Variants in CSMD1 observed in about 807,000 individuals in gnomAD.
The protein encoded by CSMD1 is CUB and sushi domain-containing protein 1.
Under a neutral mutation model 417.5 loss-of-function variants are expected in CSMD1, and 213 were observed. That is an observed-to-expected ratio of 0.51 (90% confidence interval 0.46 to 0.57). The LOEUF is 0.57. CSMD1 is among the 20% of genes least tolerant of loss of function. The probability of loss-of-function intolerance (pLI) is 0.00; values close to 1 mark genes in which losing one functional copy is unlikely to be tolerated. For synonymous variants in CSMD1, 2,862 were observed against 1,736.8 expected, an observed-to-expected ratio of 1.65 and a Z score of -16.11; for missense variants, 6,923 against 4,529.7, an observed-to-expected ratio of 1.53 and a Z score of -15.17.
At chr8:4,003,090 G>C (rs1420853428) in intron 4 of CSMD1, among the ~76,000 whole-genome samples, 2 of 152,234 alleles carry the variant, frequency 1.3e-5, no homozygotes, top group Middle Eastern at 3.4e-3. Context: ...TACTTGCTTT[G>C]TATTTTAAGA....
At chr8:4,563,792 G>C (rs548676964) in intron 2 of CSMD1, among the ~76,000 whole-genome samples, 122 of 152,212 alleles carry the variant, frequency 8.0e-4, no homozygotes, top group Non-Finnish European at 1.4e-3. Context: ...AAATGTTTCT[G>C]TCCCCAATGT....
intron 2 of CSMD1, among the ~76,000 whole-genome samples, chr8:4,569,854 T>A (rs1412051998): frequency 3.3e-5 from 5 of 152,224 alleles, no homozygotes; most frequent in Non-Finnish European, 7.3e-5. Context: ...AAGAAGTCCT[T>A]CACATCACTT....
At chr8:4,013,215 C>G (rs73182064) in intron 4 of CSMD1, among the ~76,000 whole-genome samples, 17,746 of 152,038 alleles carry the variant, frequency 0.12, 1,213 homozygotes, top group South Asian at 0.22. Flanking sequence ...CTGGGATCCT[C>G]CGGGACCTTT....
At position 3,373,365 on chromosome 8, in the gene CSMD1, G is replaced by C. The variant is rs573776047; in HGVS notation, c.2783-3995C>G. On this transcript the variant is annotated intron_variant, in intron 18 of 69. Coordinates refer to ENST00000635120, the MANE Select transcript of CSMD1 (RefSeq NM_033225.6). ...CCATCAGGAGAAAGTCAGACAGAAA[G>C]TTAGAGATAAAGCTGCTCTCAGGCT... The C allele has an allele frequency of 2.0e-5, 3 of 152,334 alleles. No individual in the cohort carries two copies. In the East Asian group the frequency reaches 5.8e-4, roughly 29 times the overall value. The allele number at this position is 152,334 out of a possible 1,614,324, so 9.4% of individuals were successfully genotyped here. A position where few individuals can be genotyped will look rare whatever the true frequency, so the allele number is the denominator to read the frequency against.
intron 5 of CSMD1, among the ~76,000 whole-genome samples, chr8:3,956,818 C>G (rs1051161518): frequency 6.6e-6 from 1 of 152,096 alleles, no homozygotes; most frequent in Non-Finnish European, 1.5e-5. Context: ...CCAGCCGTTA[C>G]GGAAGGAAGA....
chr8:3,957,094 T>C (rs1563252550), intron 5 of CSMD1, among the ~76,000 whole-genome samples: 1 of 151,346 alleles, frequency 6.6e-6, no homozygotes, highest in Non-Finnish European at 1.5e-5. Context: ...TATATGTCTT[T>C]GGAAACTATT....
intron 5 of CSMD1, among the ~76,000 whole-genome samples, chr8:3,841,471 G>A (rs890617937): frequency 3.3e-5 from 5 of 152,100 alleles, no homozygotes; most frequent in Non-Finnish European, 7.4e-5. Flanking sequence ...ACCAAGCACT[G>A]CATTCCCCAT....
chr8:4,177,245 G>C (rs1229473401), intron 3 of CSMD1, among the ~76,000 whole-genome samples: 1 of 152,156 alleles, frequency 6.6e-6, no homozygotes, highest in African/African-American at 2.4e-5. Flanking sequence ...ACACCACAGT[G>C]CAATCAAGCT....
intron 3 of CSMD1, among the ~76,000 whole-genome samples, chr8:4,216,693 G>T (rs1362367776): frequency 6.6e-6 from 1 of 152,108 alleles, no homozygotes; most frequent in African/African-American, 2.4e-5. Flanking sequence ...TTTCATGTAA[G>T]CACCAGTCAT....
chr8:3,984,929 T>G (rs1014719007), intron 5 of CSMD1, among the ~76,000 whole-genome samples: 1 of 152,006 alleles, frequency 6.6e-6, no homozygotes, highest in Non-Finnish European at 1.5e-5. Context: ...TAGTTCATTA[T>G]AAGCCTTTAA....
At chr8:4,909,147 G>C (rs1484408805) in intron 1 of CSMD1, among the ~76,000 whole-genome samples, 2 of 152,262 alleles carry the variant, frequency 1.3e-5, no homozygotes, top group African/African-American at 2.4e-5. Context: ...TTCTCAGAGA[G>C]GACTGTCCCT....
At chr8:4,400,443 G>A (rs1214340062) in intron 3 of CSMD1, among the ~76,000 whole-genome samples, 1 of 152,232 alleles carries the variant, frequency 6.6e-6, no homozygotes, top group Non-Finnish European at 1.5e-5. Context: ...CATGTATGCA[G>A]ACATCGAGAT....
chr8:3,053,974 G>T (rs1812045372), intron 49 of CSMD1, among the ~76,000 whole-genome samples: 1 of 152,170 alleles, frequency 6.6e-6, no homozygotes, highest in African/African-American at 2.4e-5. Flanking sequence ...GATAGAGCGG[G>T]AAGGGCTGGA....
At chr8:3,923,165 A>C (rs549378950) in intron 5 of CSMD1, among the ~76,000 whole-genome samples, 5 of 152,254 alleles carry the variant, frequency 3.3e-5, no homozygotes, top group African/African-American at 4.8e-5. Context: ...AAGCTTCATG[A>C]GACCTCTCCT....
chr8:3,543,137 C>T (rs1052988819), intron 10 of CSMD1, among the ~76,000 whole-genome samples: 45 of 152,260 alleles, frequency 3.0e-4, no homozygotes, highest in African/African-American at 9.9e-4. Context: ...TGATCCCAGA[C>T]AGAGAGAAGG....
Position 2,965,840 on chromosome 8 carries a change from A to T in CSMD1, c.9215T>A (p.Val3072Asp), listed in dbSNP as rs1375694386. The T allele has an allele frequency of 1.9e-6, 3 of 1,608,470 alleles. No individual in the cohort carries two copies. The highest frequency in any genetic ancestry group is 2.5e-6 in the Non-Finnish European group (3 of 1,177,296). Reference sequence around the variant, plus strand: ...GGTACAGCGAATAGTGGCGGATGTGACTGCTTCCATGACATAGCCTGGGTT... The same window carrying T: ...GGTACAGCGAATAGTGGCGGATGTGTCTGCTTCCATGACATAGCCTGGGTT... ...QCNPGYVMEA[V>D]TSATIRCTKD... Residue 3072 changes from valine to aspartate, a missense_variant, in exon 59 of 70, where the codon GTC (valine) becomes GAC (aspartate). By Grantham distance (152) the Val-to-Asp change is radical (BLOSUM62 -3). Transcript: ENST00000635120.
intron 11 of CSMD1, among the ~76,000 whole-genome samples, chr8:3,479,350 G>C (rs533644476): frequency 1.3e-5 from 2 of 152,176 alleles, no homozygotes; most frequent in South Asian, 2.1e-4. Context: ...GCATGATCTT[G>C]GCTCACCGCA....
At chr8:3,265,725 C>T (rs1056004604) in intron 26 of CSMD1, among the ~76,000 whole-genome samples, 1 of 152,084 alleles carries the variant, frequency 6.6e-6, no homozygotes, top group Non-Finnish European at 1.5e-5. Context: ...CAAAGCAGGG[C>T]CCTAGCTTTT....
chr8:3,314,243 G>C (rs1053460817), intron 23 of CSMD1, among the ~76,000 whole-genome samples: 1 of 151,522 alleles, frequency 6.6e-6, no homozygotes, highest in Non-Finnish European at 1.5e-5. Flanking sequence ...AAAACTTAAA[G>C]TATAATAAAA....
Sources: allele counts gnomAD v4.1 joint callset (sites outside exome capture counted in the v4.1 genomes callset), GRCh38; gene constraint gnomAD v4.1.1; transcripts MANE v1.5; gene names NCBI Gene and HGNC (gene_info 2026-07-23, HGNC 2026-07-21).